Variants in RGPD8 observed in about 807,000 individuals in gnomAD.
The protein encoded by RGPD8 is RANBP2-like and GRIP domain-containing protein 8.
In RGPD8, 15 loss-of-function variants were observed where a neutral mutation model predicts 89.1. The observed-to-expected ratio is 0.17, with a 90% CI of 0.11 to 0.26. RGPD8 has a LOEUF of 0.26. Ranked by LOEUF, RGPD8 falls within the 10% of genes least tolerant of loss-of-function variation. The pLI is 1.00. For missense variants in RGPD8, 178 were observed against 1,179.6 expected (o/e 0.15, Z 12.44); for synonymous variants, 62 against 420.9 (o/e 0.15, Z 10.44).
At chr2:112,420,216 G>A in intron 4 of RGPD8, among the ~76,000 whole-genome samples, 1 of 82,024 alleles carries the variant, frequency 1.2e-5, no homozygotes, top group Non-Finnish European at 2.4e-5. Context: ...TTAAATTGTG[G>A]ACCATGAAAT....
chr2:112,431,677 C>T (rs1680044640), intron 1 of RGPD8, among the ~76,000 whole-genome samples: 1 of 151,012 alleles, frequency 6.6e-6, no homozygotes, highest in African/African-American at 2.4e-5. Flanking sequence ...CCCTCTGTCG[C>T]CCAGGCTGGA....
intron 1 of RGPD8, among the ~76,000 whole-genome samples, chr2:112,432,990 G>C (rs1680118642): frequency 9.9e-6 from 1 of 101,154 alleles, no homozygotes; most frequent in Non-Finnish European, 2.5e-5. Context: ...TCAACAGAGC[G>C]CGCCAGGGAG....
At chr2:112,410,479 T>C (rs1458444080) in intron 7 of RGPD8, among the ~76,000 whole-genome samples, 1 of 151,724 alleles carries the variant, frequency 6.6e-6, no homozygotes, top group Admixed American at 6.6e-5. Context: ...ATCAACGGTG[T>C]TTTTAAAAGA....
intron 1 of RGPD8, among the ~76,000 whole-genome samples, chr2:112,426,759 A>G (rs1679787065): frequency 6.6e-6 from 1 of 151,918 alleles, no homozygotes; most frequent in Admixed American, 6.6e-5. Context: ...GAACTATAGC[A>G]ATCTTAACAA....
At chr2:112,424,038 C>A (rs971602298) in intron 2 of RGPD8, among the ~76,000 whole-genome samples, 5 of 152,300 alleles carry the variant, frequency 3.3e-5, no homozygotes, top group African/African-American at 1.2e-4. Flanking sequence ...TATAAAGCAG[C>A]AGCATGCAGA....
At chr2:112,429,291 GGTGCCTGTAGTCCCA>G (rs1270631660) in intron 1 of RGPD8, among the ~76,000 whole-genome samples, 1 of 150,294 alleles carries the variant, frequency 6.7e-6, no homozygotes, top group Admixed American at 6.6e-5. Flanking sequence ...TGTTGTGGCG[GGTGCCTGTAGTCCCA>G]GCTACAGGCT....
intron 1 of RGPD8, among the ~76,000 whole-genome samples, chr2:112,427,017 G>C (rs1309866485): frequency 1.6e-4 from 24 of 151,984 alleles, no homozygotes; most frequent in Non-Finnish European, 2.8e-4. Flanking sequence ...AGATGGTGTC[G>C]ATCTCTCGAC....
chr2:112,432,802 G>T (rs1303768662), intron 1 of RGPD8, among the ~76,000 whole-genome samples: 21 of 152,172 alleles, frequency 1.4e-4, no homozygotes, highest in Non-Finnish European at 2.4e-4. Flanking sequence ...CGGCGCCAAA[G>T]GTCTCCCGCC....
intron 1 of RGPD8, among the ~76,000 whole-genome samples, chr2:112,430,006 C>T (rs978955320): frequency 1.4e-4 from 21 of 152,240 alleles, no homozygotes; most frequent in African/African-American, 4.3e-4. Flanking sequence ...AGATTTTCAC[C>T]ATATTGGTCA....
intron 22 of RGPD8, among the ~76,000 whole-genome samples, chr2:112,370,856 T>C (rs559893435): frequency 1.3e-5 from 2 of 151,878 alleles, no homozygotes; most frequent in East Asian, 3.9e-4. Context: ...ATGAAAATTA[T>C]GCAGAAATGA....
intron 7 of RGPD8, among the ~76,000 whole-genome samples, chr2:112,408,516 AAAGT>A (rs1679026719): frequency 1.4e-5 from 2 of 142,238 alleles, no homozygotes; most frequent in African/African-American, 2.7e-5. Flanking sequence ...AAGAGCACAC[AAAGT>A]AAGAAACAAA....
At chr2:112,411,306 G>A (rs1679188428) in intron 7 of RGPD8, among the ~76,000 whole-genome samples, 1 of 145,724 alleles carries the variant, frequency 6.9e-6, no homozygotes, top group South Asian at 2.2e-4. Flanking sequence ...GGTGGCTCAT[G>A]TCTGTAAATC....
At chr2:112,410,576 G>A (rs968729050) in intron 7 of RGPD8, among the ~76,000 whole-genome samples, 2 of 150,860 alleles carry the variant, frequency 1.3e-5, no homozygotes, top group Admixed American at 6.6e-5. Context: ...AGAAGATCGA[G>A]ACCATCCTGG....
chr2:112,429,964 G>A (rs1303332089), intron 1 of RGPD8, among the ~76,000 whole-genome samples: 4 of 152,002 alleles, frequency 2.6e-5, no homozygotes, highest in East Asian at 1.9e-4. Context: ...CTGCCACCAC[G>A]CCCGGCTCAT....
intron 22 of RGPD8, among the ~76,000 whole-genome samples, chr2:112,371,135 T>C (rs1677955434): frequency 6.7e-6 from 1 of 149,562 alleles, no homozygotes; most frequent in South Asian, 2.1e-4. Context: ...ACCTTAAAAC[T>C]GAACCACAAC....
At chr2:112,423,785 T>C (rs1679640567) in intron 2 of RGPD8, among the ~76,000 whole-genome samples, 1 of 152,250 alleles carries the variant, frequency 6.6e-6, no homozygotes, top group Non-Finnish European at 1.5e-5. Context: ...ATCACCAAGC[T>C]TCTTATCCCT....
At chr2:112,379,706 T>C (rs1483970470) in intron 21 of RGPD8, among the ~76,000 whole-genome samples, 1 of 140,894 alleles carries the variant, frequency 7.1e-6, no homozygotes, top group African/African-American at 2.6e-5. Context: ...TGTTATTTTA[T>C]AGAGATGCAT....
At chr2:112,385,520 T>TAAAA (rs1678442582) in intron 20 of RGPD8, among the ~76,000 whole-genome samples, 1 of 116,334 alleles carries the variant, frequency 8.6e-6, no homozygotes, top group African/African-American at 3.3e-5. Flanking sequence ...AGGTGGCTAG[T>TAAAA]CCAAATCAAG....
At chr2:112,416,141 A>AAAG (rs1679405200) in intron 6 of RGPD8, among the ~76,000 whole-genome samples, 1 of 151,130 alleles carries the variant, frequency 6.6e-6, no homozygotes, top group Admixed American at 6.6e-5. Flanking sequence ...ACCCACATAC[A>AAAG]AAGATCTTTG....
Sources: allele counts gnomAD v4.1 joint callset (sites outside exome capture counted in the v4.1 genomes callset), GRCh38; gene constraint gnomAD v4.1.1; transcripts MANE v1.5; gene names NCBI Gene and HGNC (gene_info 2026-07-23, HGNC 2026-07-21).